TMEM132D: variants seen among roughly 807,000 people sequenced by gnomAD.
TMEM132D encodes the protein transmembrane protein 132D.
TMEM132D carries 21 observed loss-of-function variants against 62.3 expected under a neutral mutation model. That is an observed-to-expected ratio of 0.34 (90% CI 0.24 to 0.49). The LOEUF (loss-of-function observed/expected upper bound fraction) is 0.49, where lower values mean the gene tolerates loss of function less well. Among genes scored for constraint, TMEM132D ranks in the 20% least tolerant of loss-of-function variants. The pLI is 0.99. For missense variants in TMEM132D, 1,346 were observed against 1,402.8 expected (o/e 0.96, Z 0.65); for synonymous variants, 621 against 575.6 (o/e 1.08, Z -1.13).
At chr12:129,668,236 T>A (rs1880423221) in intron 2 of TMEM132D, among the ~76,000 whole-genome samples, 1 of 147,662 alleles carries the variant, frequency 6.8e-6, no homozygotes, top group African/African-American at 2.5e-5. Context: ...TGTACATTAT[T>A]AGTGTACCTT....
intron 3 of TMEM132D, among the ~76,000 whole-genome samples, chr12:129,362,919 A>G (rs1870292096): frequency 6.6e-6 from 1 of 152,180 alleles, no homozygotes; most frequent in Non-Finnish European, 1.5e-5. Flanking sequence ...GACTCCTTCA[A>G]CCTTCTAACT....
intron 4 of TMEM132D, among the ~76,000 whole-genome samples, chr12:129,249,925 G>C (rs1452608910): frequency 2.0e-5 from 3 of 152,124 alleles, no homozygotes; most frequent in African/African-American, 7.2e-5. Flanking sequence ...GGAACAGCAG[G>C]CCCCGTGACC....
chr12:129,328,765 G>C (rs1309306215), intron 4 of TMEM132D, among the ~76,000 whole-genome samples: 3 of 152,030 alleles, frequency 2.0e-5, no homozygotes. Flanking sequence ...CCTACGCTCT[G>C]TTTCCCGTGT....
intron 3 of TMEM132D, among the ~76,000 whole-genome samples, chr12:129,341,353 T>C (rs1008913059): frequency 2.0e-5 from 3 of 152,230 alleles, no homozygotes; most frequent in African/African-American, 4.8e-5. Context: ...TTATAAAACA[T>C]ATCTGGTTAA....
intron 1 of TMEM132D, among the ~76,000 whole-genome samples, chr12:129,736,538 C>G (rs539077800): frequency 6.6e-6 from 1 of 151,866 alleles, no homozygotes; most frequent in Non-Finnish European, 1.5e-5. Context: ...GACAGAAGGT[C>G]GGCAGCTGAA....
chr12:129,258,433 T>C (rs78194101), intron 4 of TMEM132D, among the ~76,000 whole-genome samples: 367 of 152,296 alleles, frequency 2.4e-3, no homozygotes, highest in Middle Eastern at 6.8e-3. Context: ...TGCCTAGAAG[T>C]TGCTTATCCT....
At chr12:129,207,275 T>C (rs1195085954) in intron 5 of TMEM132D, among the ~76,000 whole-genome samples, 2 of 151,628 alleles carry the variant, frequency 1.3e-5, no homozygotes, top group Non-Finnish European at 2.9e-5. Context: ...TCATGGAGTT[T>C]AGATTCCAAT....
intron 3 of TMEM132D, among the ~76,000 whole-genome samples, chr12:129,432,123 G>A (rs988441518): frequency 4.1e-5 from 6 of 145,310 alleles, no homozygotes; most frequent in African/African-American, 1.6e-4. Context: ...GGATGGATAG[G>A]TGGATGGATG....
intron 5 of TMEM132D, among the ~76,000 whole-genome samples, chr12:129,151,049 C>T (rs866912101): frequency 2.0e-5 from 3 of 152,116 alleles, no homozygotes; most frequent in African/African-American, 4.8e-5. Flanking sequence ...GATGTGGTCA[C>T]GTCACTACCC....
intron 3 of TMEM132D, among the ~76,000 whole-genome samples, chr12:129,415,803 G>C (rs1872102644): frequency 6.6e-6 from 1 of 152,218 alleles, no homozygotes; most frequent in Admixed American, 6.5e-5. Context: ...GAAATGCATT[G>C]ATCAGACTGG....
chr12:129,560,566 G>A (rs1057492815), intron 2 of TMEM132D, among the ~76,000 whole-genome samples: 3 of 152,226 alleles, frequency 2.0e-5, no homozygotes, highest in South Asian at 2.1e-4. Flanking sequence ...CACTGCGCCC[G>A]GCCAGCACTT....
At position 129,337,782 on chromosome 12, in the gene TMEM132D, T is replaced by A. The variant is rs2135658326; in HGVS notation, c.1151A>T (p.Asp384Val). The change falls in exon 4 of 9, where the codon GAT (aspartate) becomes GTT (valine). Residue 384 changes from aspartate to valine, a missense_variant. By Grantham distance (152) the Asp-to-Val change is radical. Coordinates refer to ENST00000422113, the MANE Select transcript of TMEM132D (RefSeq NM_133448.3). Reference sequence around the variant, plus strand: ...GTCACCAGGCTCTTCCACCTCCACATCGATCTGCATGACCTCGTAGGAGGC... The same window carrying A: ...GTCACCAGGCTCTTCCACCTCCACAACGATCTGCATGACCTCGTAGGAGGC... ...DGASYEVMQI[D>V]VEVEEPGDLP... 6.2e-7 allele frequency: 1 copy of A among 1,613,604 alleles called. No homozygotes were observed.
intron 4 of TMEM132D, among the ~76,000 whole-genome samples, chr12:129,291,817 AG>A (rs1186213017): frequency 6.6e-6 from 1 of 152,160 alleles, no homozygotes; most frequent in Non-Finnish European, 1.5e-5. Context: ...AGAGAAAGAA[AG>A]CCTGATTTCT....
At chr12:129,268,527 A>T (rs140058509) in intron 4 of TMEM132D, among the ~76,000 whole-genome samples, 35,001 of 152,130 alleles carry the variant, frequency 0.23, 4,195 homozygotes, top group Middle Eastern at 0.29. Context: ...TTAAAAAGTC[A>T]GGAAACAACA....
At chr12:129,816,126 G>A (rs1162982940) in intron 1 of TMEM132D, among the ~76,000 whole-genome samples, 1 of 11,836 alleles carries the variant, frequency 8.4e-5, no homozygotes, top group East Asian at 5.1e-3. Context: ...ATGCAGGCAA[G>A]TAGAGTCGGG....
intron 3 of TMEM132D, among the ~76,000 whole-genome samples, chr12:129,404,745 A>G (rs1345535318): frequency 6.6e-6 from 1 of 151,790 alleles, no homozygotes; most frequent in Non-Finnish European, 1.5e-5. Context: ...CTGAGCAAAA[A>G]CTCATTCATC....
chr12:129,086,193 C>CGT (rs1491131165), intron 5 of TMEM132D, among the ~76,000 whole-genome samples: 1 of 87,528 alleles, frequency 1.1e-5, no homozygotes, highest in Admixed American at 1.0e-4. Flanking sequence ...CACATAGTCA[C>CGT]GCGCGCGCGT....
intron 1 of TMEM132D, among the ~76,000 whole-genome samples, chr12:129,873,910 A>C (rs1422513473): frequency 6.6e-6 from 1 of 152,206 alleles, no homozygotes; most frequent in East Asian, 1.9e-4. Context: ...AACTTTTAAA[A>C]AATCCTTCCA....
intron 3 of TMEM132D, among the ~76,000 whole-genome samples, chr12:129,437,135 T>C (rs934472264): frequency 4.3e-4 from 66 of 152,182 alleles, no homozygotes; most frequent in African/African-American, 1.5e-3. Context: ...AGAGTTAGGG[T>C]CAATGGAATG....
Sources: allele counts gnomAD v4.1 joint callset (sites outside exome capture counted in the v4.1 genomes callset), GRCh38; gene constraint gnomAD v4.1.1; transcripts MANE v1.5; gene names NCBI Gene and HGNC (gene_info 2026-07-23, HGNC 2026-07-21).